PDZRN4: variants seen among roughly 807,000 people sequenced by gnomAD.
The protein encoded by PDZRN4 is PDZ domain-containing RING finger protein 4.
Under a neutral mutation model 99.0 loss-of-function variants are expected in PDZRN4, and 70 were observed. The ratio of observed to expected loss-of-function variants is 0.71; its 90% CI spans 0.58 to 0.86. The LOEUF is 0.86. PDZRN4 is among the 40% of genes least tolerant of loss of function. The pLI is 0.00. For missense variants in PDZRN4, 1,474 were observed against 1,331.2 expected, an observed-to-expected ratio of 1.11 and a Z score of -1.67; for synonymous variants, 551 against 501.6, an observed-to-expected ratio of 1.10 and a Z score of -1.32.
intron 9 of PDZRN4, among the ~76,000 whole-genome samples, chr12:41,570,750 G>C (rs1170263775): frequency 6.6e-6 from 1 of 152,056 alleles, no homozygotes; most frequent in African/African-American, 2.4e-5. Flanking sequence ...AAATACTATT[G>C]TCACCTTATA....
intron 3 of PDZRN4, among the ~76,000 whole-genome samples, chr12:41,386,004 A>G (rs766282837): frequency 3.0e-4 from 46 of 152,178 alleles, no homozygotes; most frequent in Non-Finnish European, 1.3e-4. Flanking sequence ...TGCAAGGTTT[A>G]TTCAACATAC....
chr12:41,343,008 G>T (rs1275414284), intron 3 of PDZRN4, among the ~76,000 whole-genome samples: 1 of 151,910 alleles, frequency 6.6e-6, no homozygotes, highest in African/African-American at 2.4e-5. Flanking sequence ...TAAAGAATAT[G>T]TGGTTTATAT....
At chr12:41,457,240 C>T (rs1314935520) in intron 3 of PDZRN4, among the ~76,000 whole-genome samples, 2 of 152,116 alleles carry the variant, frequency 1.3e-5, no homozygotes, top group Admixed American at 1.3e-4. Context: ...TATATCATAT[C>T]CTCCATGAAA....
intron 4 of PDZRN4, 53 bp from the exon 5 acceptor site, chr12:41,509,758 C>A: frequency 2.4e-6 from 2 of 839,244 alleles, no homozygotes; most frequent in South Asian, 3.2e-5. Context: ...CAGTTTTAAT[C>A]TGGAAAACAA....
At position 41,370,123 on chromosome 12, in the gene PDZRN4, G is replaced by A. The variant is rs191666123; in HGVS notation, c.844-136333G>A. Among the ~76,000 whole-genome samples the A allele has an allele frequency of 2.0e-5, 3 of 151,940 alleles. No individual in the cohort carries two copies. In the East Asian group the frequency reaches 5.8e-4, roughly 29 times the overall value. On this transcript the variant is annotated intron_variant, in intron 3 of 9. Coordinates refer to ENST00000402685, the MANE Select transcript of PDZRN4 (RefSeq NM_001164595.2). ...TGCCCCTAAACTAATTATAATTGAT[G>A]TTTTTACAGTCAATGCTATTTGAAA...
chr12:41,479,082 TACTC>T (rs1484788738), intron 3 of PDZRN4, among the ~76,000 whole-genome samples: 3 of 152,194 alleles, frequency 2.0e-5, no homozygotes, highest in African/African-American at 7.2e-5. Flanking sequence ...TCCATCCAAA[TACTC>T]AATATCACAA....
chr12:41,415,134 T>A (rs944420846), intron 3 of PDZRN4, among the ~76,000 whole-genome samples: 2 of 152,040 alleles, frequency 1.3e-5, no homozygotes. Flanking sequence ...TATACCTCCA[T>A]TGAGATGAGC....
chr12:41,501,508 T>C (rs1415743743), intron 3 of PDZRN4, among the ~76,000 whole-genome samples: 1 of 152,140 alleles, frequency 6.6e-6, no homozygotes, highest in Non-Finnish European at 1.5e-5. Flanking sequence ...AGAAGCTTCA[T>C]CAAATATTAC....
rs550669562 is a variant in PDZRN4, at chr12:41,513,917, A to G, written c.1203+4004A>G. Reference sequence around the variant, plus strand: ...AATACACGAAAAATTTAGATAGTATAAAACATCATGTTAGTCAAGACAAGC... The same window carrying G: ...AATACACGAAAAATTTAGATAGTATGAAACATCATGTTAGTCAAGACAAGC... On this transcript the variant is annotated intron_variant, in intron 5 of 9. Coordinates refer to ENST00000402685, the MANE Select transcript of PDZRN4 (RefSeq NM_001164595.2). Among the ~76,000 whole-genome samples the G allele has an allele frequency of 1.2e-4, 19 of 152,236 alleles. 1 individual carries two copies. In the South Asian group the frequency reaches 3.9e-3, roughly 32 times the overall value.
intron 3 of PDZRN4, among the ~76,000 whole-genome samples, chr12:41,385,884 A>G (rs1036614993): frequency 6.6e-6 from 1 of 152,206 alleles, no homozygotes; most frequent in African/African-American, 2.4e-5. Context: ...TCAGGCCAAT[A>G]ACCTCGATGA....
At chr12:41,309,766 C>T (rs369574159) in intron 3 of PDZRN4, among the ~76,000 whole-genome samples, 264 of 151,748 alleles carry the variant, frequency 1.7e-3, no homozygotes, top group African/African-American at 5.2e-3. Context: ...TACTGAATAA[C>T]GGTAAAAAAA....
intron 3 of PDZRN4, among the ~76,000 whole-genome samples, chr12:41,474,052 C>T (rs1045144085): frequency 2.6e-5 from 4 of 152,152 alleles, no homozygotes; most frequent in Non-Finnish European, 4.4e-5. Flanking sequence ...CACAGAGGTG[C>T]CTATGGCCTG....
chr12:41,469,913 G>A (rs1027837563), intron 3 of PDZRN4, among the ~76,000 whole-genome samples: 2 of 151,982 alleles, frequency 1.3e-5, no homozygotes, highest in Non-Finnish European at 2.9e-5. Context: ...CTGGGTGACA[G>A]AGCGAGACTC....
intron 5 of PDZRN4, among the ~76,000 whole-genome samples, chr12:41,547,686 A>G (rs550510235): frequency 2.1e-4 from 32 of 152,246 alleles, no homozygotes; most frequent in Admixed American, 1.2e-3. Context: ...ACTTACTTCA[A>G]TTTATGTTTC....
intron 3 of PDZRN4, among the ~76,000 whole-genome samples, chr12:41,425,690 G>T (rs1451588725): frequency 6.6e-6 from 1 of 152,116 alleles, no homozygotes; most frequent in East Asian, 1.9e-4. Context: ...TTCAACTTAA[G>T]CAAACAACTA....
chr12:41,511,328 T>C (rs1938301019), intron 5 of PDZRN4, among the ~76,000 whole-genome samples: 1 of 152,000 alleles, frequency 6.6e-6, no homozygotes, highest in South Asian at 2.1e-4. Flanking sequence ...TACATTTCTA[T>C]GGAGCTTACT....
At chr12:41,526,126 A>T (rs1938564253) in intron 5 of PDZRN4, among the ~76,000 whole-genome samples, 1 of 152,112 alleles carries the variant, frequency 6.6e-6, no homozygotes, top group South Asian at 2.1e-4. Context: ...ATAATACCAC[A>T]CTGCCCTTCC....
intron 3 of PDZRN4, among the ~76,000 whole-genome samples, chr12:41,487,328 A>G (rs1391739881): frequency 1.3e-5 from 2 of 152,068 alleles, no homozygotes; most frequent in Admixed American, 6.6e-5. Context: ...CAGGAAAAAT[A>G]TTTCCTAATT....
intron 3 of PDZRN4, among the ~76,000 whole-genome samples, chr12:41,322,364 T>G (rs1951684488): frequency 6.6e-6 from 1 of 152,044 alleles, no homozygotes; most frequent in Non-Finnish European, 1.5e-5. Context: ...GGATTCCTAC[T>G]GAGTAATTTT....
Sources: allele counts gnomAD v4.1 joint callset (sites outside exome capture counted in the v4.1 genomes callset), GRCh38; gene constraint gnomAD v4.1.1; transcripts MANE v1.5; gene names NCBI Gene and HGNC (gene_info 2026-07-23, HGNC 2026-07-21).